The following ITFG1 variants were observed in gnomAD, a reference collection of about 807,000 sequenced individuals.
ITFG1 encodes T-cell immunomodulatory protein.
Under a neutral mutation model 81.8 loss-of-function variants are expected in ITFG1, and 34 were observed. That is an observed-to-expected ratio of 0.42 (90% CI 0.32 to 0.55). ITFG1 has a LOEUF of 0.55. Ranked by LOEUF, ITFG1 falls within the 20% of genes least tolerant of loss-of-function variation. The pLI, the probability that ITFG1 is intolerant of heterozygous loss-of-function variation, is 0.17. For missense variants in ITFG1, 672 were observed against 755.4 expected (o/e 0.89, Z 1.29); for synonymous variants, 285 against 270.6 (o/e 1.05, Z -0.52).
At chr16:47,445,886 T>C (rs1166299251) in intron 5 of ITFG1, among the ~76,000 whole-genome samples, 3 of 152,132 alleles carry the variant, frequency 2.0e-5, no homozygotes, top group South Asian at 2.1e-4. Context: ...CTTGTACCCC[T>C]GTGATGGTAC....
intron 8 of ITFG1, among the ~76,000 whole-genome samples, chr16:47,360,483 A>G (rs1968095832): frequency 6.6e-6 from 1 of 152,184 alleles, no homozygotes; most frequent in South Asian, 2.1e-4. Context: ...CATTAATGTA[A>G]GACTGTGGAC....
In ITFG1 at chr16:47,454,093, A is replaced by G. The variant is rs1282651915; in HGVS notation, c.347T>C (p.Val116Ala). 2 of 1,606,494 alleles carry G rather than the reference A, an allele frequency of 1.2e-6. No homozygotes were observed. Among genetic ancestry groups the G allele is most frequent in the Non-Finnish European group, 1.7e-6 (2 of 1,173,414 alleles). The change falls in exon 3 of 18, where the codon GTC becomes GCC. Residue 116 changes from valine to alanine, a missense_variant. By Grantham distance (64) the Val-to-Ala change is moderately conservative. Coordinates refer to ENST00000320640, the MANE Select transcript of ITFG1 (RefSeq NM_030790.5). ...ATTTTTGGGAAGATATGTCAGAAGG[A>G]CATCCATTTGAGAATCTCCATCATA... ...GDYDGDSQMD[V>A]LLTYLPKNYA... is the part of the protein sequence containing the mutation.
chr16:47,408,169 T>G (rs191408170), intron 6 of ITFG1, among the ~76,000 whole-genome samples: 1 of 152,222 alleles, frequency 6.6e-6, no homozygotes, highest in African/African-American at 2.4e-5. Flanking sequence ...TCTGGTGATC[T>G]TGTTTTTTCG....
chr16:47,428,940 A>G (rs17811434), intron 5 of ITFG1, 42 bp from the exon 6 acceptor site: 463,558 of 1,072,370 alleles, frequency 0.43, 107,084 homozygotes, highest in East Asian at 0.79. Context: ...GGCAAACATC[A>G]AATGAGCATT....
intron 10 of ITFG1, among the ~76,000 whole-genome samples, chr16:47,274,362 T>A (rs1298083786): frequency 6.6e-6 from 1 of 152,148 alleles, no homozygotes; most frequent in East Asian, 1.9e-4. Flanking sequence ...AGAAGGTGCA[T>A]TTATCCTATC....
intron 14 of ITFG1, among the ~76,000 whole-genome samples, chr16:47,169,733 G>A (rs1964935551): frequency 6.6e-6 from 1 of 152,178 alleles, no homozygotes; most frequent in African/African-American, 2.4e-5. Flanking sequence ...AATAGCAGGA[G>A]TGAAAGTGGG....
intron 5 of ITFG1, among the ~76,000 whole-genome samples, chr16:47,445,820 G>C (rs1969317660): frequency 6.6e-6 from 1 of 152,174 alleles, no homozygotes; most frequent in South Asian, 2.1e-4. Context: ...GCCATGGAGA[G>C]AGAGGTGGAG....
intron 12 of ITFG1, among the ~76,000 whole-genome samples, chr16:47,253,315 A>C (rs1966099659): frequency 6.6e-6 from 1 of 152,226 alleles, no homozygotes; most frequent in African/African-American, 2.4e-5. Flanking sequence ...CATTTCTCAC[A>C]ATTTGAAAAA....
intron 10 of ITFG1, among the ~76,000 whole-genome samples, chr16:47,310,632 A>G (rs115737575): frequency 0.02 from 3,099 of 152,356 alleles, 104 homozygotes; most frequent in African/African-American, 0.07. Flanking sequence ...ACATATACAA[A>G]AAGTATCAAC....
chr16:47,166,452 G>A (rs1964890914), intron 14 of ITFG1, among the ~76,000 whole-genome samples: 1 of 151,988 alleles, frequency 6.6e-6, no homozygotes, highest in South Asian at 2.1e-4. Flanking sequence ...ACACATTTTA[G>A]CATAGTTTAG....
intron 14 of ITFG1, among the ~76,000 whole-genome samples, chr16:47,185,825 G>A (rs1351272341): frequency 6.6e-6 from 1 of 152,146 alleles, no homozygotes; most frequent in African/African-American, 2.4e-5. Flanking sequence ...CCAGAAGCTG[G>A]TTTTCTGAAA....
intron 6 of ITFG1, among the ~76,000 whole-genome samples, chr16:47,387,266 T>C (rs1294899204): frequency 1.3e-5 from 2 of 152,074 alleles, no homozygotes; most frequent in Non-Finnish European, 2.9e-5. Context: ...ACAGGGAAAA[T>C]AATCTTTATT....
At chr16:47,239,149 GC>G in intron 12 of ITFG1, among the ~76,000 whole-genome samples, 1 of 151,974 alleles carries the variant, frequency 6.6e-6, no homozygotes, top group Non-Finnish European at 1.5e-5. Context: ...GGACTTCCCA[GC>G]CTCAAGAACT....
chr16:47,407,362 T>C (rs1489270341), intron 6 of ITFG1, among the ~76,000 whole-genome samples: 1 of 151,856 alleles, frequency 6.6e-6, no homozygotes, highest in Non-Finnish European at 1.5e-5. Flanking sequence ...CAATGTTTTT[T>C]ATGTTTTGAG....
intron 14 of ITFG1, among the ~76,000 whole-genome samples, chr16:47,176,801 T>G (rs1245239123): frequency 6.6e-6 from 1 of 152,212 alleles, no homozygotes; most frequent in Admixed American, 6.5e-5. Context: ...ATCCCAAAAT[T>G]ATCAGAGTAA....
intron 5 of ITFG1, among the ~76,000 whole-genome samples, chr16:47,429,307 C>T (rs886531550): frequency 1.5e-4 from 23 of 152,180 alleles, no homozygotes; most frequent in South Asian, 6.2e-4. Context: ...CTTTCTATAG[C>T]GGAATAATAT....
At chr16:47,393,729 T>TA (rs532540888) in intron 6 of ITFG1, among the ~76,000 whole-genome samples, 1,813 of 140,988 alleles carry the variant, frequency 0.013, 16 homozygotes, top group South Asian at 0.021. Context: ...AAACTCTGTC[T>TA]AAAAAAAAAA....
chr16:47,222,385 A>G (rs1965702374), intron 13 of ITFG1, among the ~76,000 whole-genome samples: 1 of 149,036 alleles, frequency 6.7e-6, no homozygotes, highest in South Asian at 2.1e-4. Flanking sequence ...GTTTCCATGC[A>G]GTTGAGTGGT....
intron 5 of ITFG1, among the ~76,000 whole-genome samples, chr16:47,441,840 C>A (rs112932223): frequency 6.6e-6 from 1 of 151,992 alleles, no homozygotes; most frequent in East Asian, 1.9e-4. Flanking sequence ...GGCAATCAGG[C>A]AGGAGAAGGA....
Sources: allele counts gnomAD v4.1 joint callset (sites outside exome capture counted in the v4.1 genomes callset), GRCh38; gene constraint gnomAD v4.1.1; transcripts MANE v1.5; gene names NCBI Gene and HGNC (gene_info 2026-07-23, HGNC 2026-07-21).